The following FZD6 variants were observed in gnomAD, a reference collection of about 807,000 sequenced individuals.
FZD6 encodes frizzled class receptor 6.
Under a neutral mutation model 61.4 loss-of-function variants are expected in FZD6, and 49 were observed. The observed-to-expected ratio is 0.80, with a 90% CI of 0.63 to 1.01. FZD6 has a LOEUF of 1.01. Among genes scored for constraint, FZD6 ranks in the 50% least tolerant of loss-of-function variants. The pLI is 0.00. For synonymous variants in FZD6, 265 were observed against 292.2 expected (o/e 0.91, Z 0.95); for missense variants, 724 against 848.2 (o/e 0.85, Z 1.82).
intron 2 of FZD6, among the ~76,000 whole-genome samples, chr8:103,317,555 G>C (rs1339918782): frequency 6.6e-6 from 1 of 152,140 alleles, no homozygotes; most frequent in Non-Finnish European, 1.5e-5. Flanking sequence ...ACTTTAAAGG[G>C]AGAGCCAACA....
rs368654295 is a variant in FZD6, at chr8:103,328,342, T to C, written c.1467T>C (p.Ser489=). The C allele has an allele frequency of 1.2e-6, 2 of 1,611,694 alleles. No individual in the cohort carries two copies. Among genetic ancestry groups the C allele is most frequent in the Non-Finnish European group, 1.7e-6 (2 of 1,177,994 alleles). The stretch of plus-strand genomic sequence containing the variant: ...TGATGACATTAATTGTTGGCATCTC[T>C]GCTGTCTTCTGGGTTGGAAGCAAAA... ...KYLMTLIVGI[S]AVFWVGSKKT... is the part of the protein sequence containing the mutation. Residue 489 remains serine, a synonymous_variant, in exon 5 of 7, where the codon TCT becomes TCC. Coordinates refer to ENST00000358755, the MANE Select transcript of FZD6 (RefSeq NM_003506.4).
chr8:103,331,317 G>T, intron 6 of FZD6, 24 bp from the exon 7 acceptor site: 1 of 1,567,084 alleles, frequency 6.4e-7, no homozygotes, highest in Non-Finnish European at 8.8e-7. Context: ...ATGTGTGTGT[G>T]TCAACTTTTT....
At chr8:103,312,934 A>G (rs766912159) in intron 2 of FZD6, among the ~76,000 whole-genome samples, 8 of 152,134 alleles carry the variant, frequency 5.3e-5, no homozygotes, top group Non-Finnish European at 1.2e-4. Context: ...AAGAGTCCCA[A>G]TCCTCTTGAT....
rs568755081 is a variant in FZD6, at chr8:103,307,003, C to T, written c.177+6719C>T. 4.1e-4 allele frequency among the ~76,000 whole-genome samples: 63 copies of T among 152,240 alleles called. 1 individual carries two copies. The South Asian group carries it at 0.013, about 32-fold the overall frequency. ...CTTAGGATCAGAGGCTTTGGAGTCA[C>T]TTGGTCTTGTTCACTGGTGATGTGG... On this transcript the variant is annotated intron_variant, in intron 2 of 6. Transcript: ENST00000358755.
chr8:103,318,774 T>A lies in FZD6; in HGVS notation c.362T>A (p.Leu121His). The change falls in exon 3 of 7, where the codon CTT becomes CAT. Residue 121 changes from leucine (L) to histidine (H), a missense_variant. Coordinates refer to ENST00000358755, the MANE Select transcript of FZD6 (RefSeq NM_003506.4). ...DTFGIRWPEELECDRLQYCDE... is the reference protein window; with the variant it reads ...DTFGIRWPEEHECDRLQYCDE... ...TTTGGGATCCGATGGCCTGAGGAGCTTGAATGTGACAGGTAAACAATGTTT... is the reference window on the plus strand; with the variant it reads ...TTTGGGATCCGATGGCCTGAGGAGCATGAATGTGACAGGTAAACAATGTTT... 6.3e-7 allele frequency: 1 copy of A among 1,594,048 alleles called. No homozygotes were observed.
At chr8:103,307,760 A>G (rs1367336264) in intron 2 of FZD6, 2 of 455,244 alleles carry the variant, frequency 4.4e-6, no homozygotes, top group African/African-American at 4.0e-5. Context: ...GGGTACCCAG[A>G]CTGGTTAAGC....
chr8:103,320,816 C>T (rs1814765254), intron 3 of FZD6, among the ~76,000 whole-genome samples: 1 of 152,020 alleles, frequency 6.6e-6, no homozygotes, highest in Non-Finnish European at 1.5e-5. Context: ...GTGTGGATAG[C>T]TTATTCTTGG....
chr8:103,324,684 A>T lies in FZD6; in HGVS notation c.578A>T (p.Asp193Val), dbSNP rs779068115. ...PPCPNMYFKS[D>V]ELEFAKSFIG... ...TGCCCCAACATGTATTTTAAAAGTG[A>T]TGAGCTAGAGTTTGCAAAAAGTTTT... The change falls in exon 4 of 7, where the codon GAT (aspartate) becomes GTT (valine). Residue 193 changes from aspartate (D) to valine (V), a missense_variant. Physicochemically the swap from Asp to Val is radical, Grantham distance 152. Transcript: ENST00000358755. 4 of 1,613,964 alleles carry T rather than the reference A, an allele frequency of 2.5e-6. No homozygotes were observed. The East Asian group carries it at 8.9e-5, about 36-fold the overall frequency.
At chr8:103,301,437 G>A (rs1814168201) in intron 2 of FZD6, among the ~76,000 whole-genome samples, 2 of 152,142 alleles carry the variant, frequency 1.3e-5, no homozygotes, top group South Asian at 4.1e-4. Flanking sequence ...TGAGAACACT[G>A]TGAAGCAATA....
chr8:103,316,178 C>A (rs528638234), intron 2 of FZD6, among the ~76,000 whole-genome samples: 4 of 152,150 alleles, frequency 2.6e-5, no homozygotes, highest in Admixed American at 2.0e-4. Flanking sequence ...ACCCTCCCAA[C>A]AATTAACACA....
At chr8:103,326,672 T>C (rs909458310) in intron 4 of FZD6, among the ~76,000 whole-genome samples, 1 of 146,834 alleles carries the variant, frequency 6.8e-6, no homozygotes, top group Non-Finnish European at 1.5e-5. Flanking sequence ...TAAAAAAAAA[T>C]TTTTTTAAAG....
At chr8:103,328,549 G>T in intron 5 of FZD6, 133 bp downstream of exon 5, 2 of 754,568 alleles carry the variant, frequency 2.7e-6, no homozygotes, top group African/African-American at 1.8e-5. Flanking sequence ...ACTGAAGTTT[G>T]GAAATTTTTT....
At chr8:103,317,515 A>T (rs1431990179) in intron 2 of FZD6, among the ~76,000 whole-genome samples, 1 of 152,168 alleles carries the variant, frequency 6.6e-6, no homozygotes, top group East Asian at 1.9e-4. Context: ...ACTGGGTGGT[A>T]ATAGTGAGAA....
intron 2 of FZD6, among the ~76,000 whole-genome samples, chr8:103,316,605 G>C (rs1814631979): frequency 6.6e-6 from 1 of 152,180 alleles, no homozygotes; most frequent in Non-Finnish European, 1.5e-5. Flanking sequence ...AATGTCAGTA[G>C]TCTACTCTCT....
rs1236956669 is a variant in FZD6 at position 103,328,411 on chromosome 8, G to C, written c.1536G>C (p.Lys512Asn). 4.3e-6 allele frequency: 7 copies of C among 1,609,638 alleles called. No individual in the cohort carries two copies. Among genetic ancestry groups the C allele is most frequent in the Non-Finnish European group, 6.0e-6 (7 of 1,176,166 alleles). ...EWAGFFKRNR[K>N]RDPISESRRV... The stretch of plus-strand genomic sequence containing the variant: ...CTGGGTTTTTTAAACGAAATCGCAA[G>C]AGAGAGTAAGAAACTATTGAATTGT... Residue 512 changes from lysine (K) to asparagine (N), a missense_variant, in exon 5 of 7, where the codon AAG becomes AAC. Lys to Asn is a moderately conservative substitution (Grantham distance 94). Coordinates refer to ENST00000358755, the MANE Select transcript of FZD6 (RefSeq NM_003506.4).
At chr8:103,329,010 G>GTT (rs200192468) in intron 5 of FZD6, among the ~76,000 whole-genome samples, 1 of 14,696 alleles carries the variant, frequency 6.8e-5, no homozygotes, top group African/African-American at 3.0e-4. Flanking sequence ...ATTCATTTTA[G>GTT]TTTTATATAT....
At position 103,300,398 on chromosome 8, in the gene FZD6, TTG is replaced by T. The variant is rs1814127266; in HGVS notation, c.177+118_177+119del. 2.8e-5 allele frequency: 24 copies of T among 851,454 alleles called. No individual in the cohort carries two copies. In the South Asian group the frequency reaches 3.3e-4, roughly 12 times the overall value. 52.7% of individuals were successfully genotyped at this position (851,454 alleles called of 1,614,324 possible). ...CCGATTTCTTCAAGTTGTGTACAAGTTGTGTTTTGAAAAGTCCTTTTGAAAAT... is the reference window on the plus strand; with the variant it reads ...CCGATTTCTTCAAGTTGTGTACAAGTTGTTTTGAAAAGTCCTTTTGAAAAT... On this transcript the variant is annotated intron_variant, in intron 2 of 6. Coordinates refer to ENST00000358755, the MANE Select transcript of FZD6 (RefSeq NM_003506.4).
At chr8:103,301,833 G>A (rs543727388) in intron 2 of FZD6, among the ~76,000 whole-genome samples, 113 of 152,202 alleles carry the variant, frequency 7.4e-4, no homozygotes, top group African/African-American at 2.5e-3. Context: ...TGTTCTGCAC[G>A]TCTTTTTAAA....
intron 2 of FZD6, among the ~76,000 whole-genome samples, chr8:103,314,471 C>T (rs1814578445): frequency 6.6e-6 from 1 of 152,132 alleles, no homozygotes; most frequent in Non-Finnish European, 1.5e-5. Context: ...ACTCTCTCCC[C>T]TTCACGATGG....
Sources: gnomAD v4.1 joint callset for allele counts (sites outside exome capture counted in the v4.1 genomes callset) on GRCh38, gnomAD v4.1.1 for gene constraint, MANE v1.5 for transcripts, NCBI Gene and HGNC (gene_info 2026-07-23, HGNC 2026-07-21) for gene names.